Variants in PDE10A observed in about 807,000 individuals in gnomAD.
The protein encoded by PDE10A is phosphodiesterase 10A.
A neutral mutation model predicts 97.7 loss-of-function variants in PDE10A; 39 were observed. That is an observed-to-expected ratio of 0.40 (90% CI 0.31 to 0.52). PDE10A has a LOEUF of 0.52. PDE10A is among the 20% of genes least tolerant of loss of function. PDE10A has a pLI of 0.56. For missense variants in PDE10A, 731 were observed against 1,047.8 expected (o/e 0.70, Z 4.17); for synonymous variants, 371 against 376.8 (o/e 0.98, Z 0.18).
In PDE10A at chr6:165,772,725, A is replaced by C. The variant is rs577007257; in HGVS notation, c.-615+214804T>G. On this transcript the variant is annotated intron_variant, in intron 1 of 19. Coordinates refer to the PDE10A transcript ENST00000366882. ...AACAAATTTAGGGGCGGAAGTGAGG[A>C]AAGTTTATGCCCGTTGATTTGGGGG... 2.0e-5 allele frequency among the ~76,000 whole-genome samples: 3 copies of C among 152,286 alleles called. No homozygotes were observed. In the South Asian group the frequency reaches 6.2e-4, roughly 32 times the overall value.
intron 1 of PDE10A, among the ~76,000 whole-genome samples, chr6:165,902,495 C>A (rs1026080957): frequency 2.0e-5 from 3 of 152,182 alleles, no homozygotes; most frequent in Non-Finnish European, 2.9e-5. Context: ...CCTCTCTTTT[C>A]TCTTGCTTGA....
rs1337379415 is a variant in PDE10A at position 165,371,113 on chromosome 6, C to T, written c.2783+8081G>A. ...AGGGAAATTTATAGCACTAAATGCC[C>T]ACAAGAGAAAGCAGGAAAGATCCAA... On this transcript the variant is annotated intron_variant, in intron 18 of 21. Coordinates refer to ENST00000539869, the MANE Select transcript of PDE10A (RefSeq NM_001385079.1). 2.0e-3 allele frequency among the ~76,000 whole-genome samples: 293 copies of T among 150,204 alleles called. 2 individuals carry two copies. Among genetic ancestry groups the T allele is most frequent in the African/African-American group, 6.8e-3 (275 of 40,500 alleles).
At chr6:165,377,411 T>C (rs1784673297) in intron 18 of PDE10A, among the ~76,000 whole-genome samples, 1 of 152,182 alleles carries the variant, frequency 6.6e-6, no homozygotes, top group African/African-American at 2.4e-5. Context: ...AAAACAAACA[T>C]GCATTGCCTT....
intron 1 of PDE10A, among the ~76,000 whole-genome samples, chr6:165,922,942 A>C (rs1356650713): frequency 6.6e-6 from 1 of 152,184 alleles, no homozygotes; most frequent in African/African-American, 2.4e-5. Flanking sequence ...GCTAATCCCA[A>C]AGTCTACACA....
intron 1 of PDE10A, among the ~76,000 whole-genome samples, chr6:165,926,919 G>A (rs1782951148): frequency 6.6e-6 from 1 of 152,216 alleles, no homozygotes; most frequent in Non-Finnish European, 1.5e-5. Context: ...CTGTGTGGGA[G>A]AGGGGTTGAT....
intron 1 of PDE10A, among the ~76,000 whole-genome samples, chr6:165,682,990 T>C (rs576217462): frequency 6.6e-6 from 1 of 152,308 alleles, no homozygotes; most frequent in South Asian, 2.1e-4. Flanking sequence ...CATTGTGTCG[T>C]TCCCCCACCG....
intron 1 of PDE10A, among the ~76,000 whole-genome samples, chr6:165,769,744 T>A (rs543561790): frequency 7.9e-5 from 12 of 152,190 alleles, no homozygotes; most frequent in Non-Finnish European, 5.9e-5. Context: ...ACCAAAGTTA[T>A]TAGGCATTTT....
In PDE10A at chr6:165,332,923, C is replaced by T. The variant is rs1056632794; in HGVS notation, c.*102G>A. 1.6e-5 allele frequency: 12 copies of T among 730,886 alleles called. No individual in the cohort carries two copies. In the Admixed American group the frequency reaches 2.3e-4, roughly 14 times the overall value. 45.3% of individuals were successfully genotyped at this position (730,886 alleles called of 1,614,324 possible). ...CTTGAAGAGGTTTGCACCCCAGTTA[C>T]CAGGTGCAGGTTCCCCCCACCCCCC... On this transcript the variant is annotated 3_prime_UTR_variant, in exon 22 of 22. Coordinates refer to ENST00000539869, the MANE Select transcript of PDE10A (RefSeq NM_001385079.1).
At chr6:165,356,645 T>C (rs1783043911) in intron 18 of PDE10A, among the ~76,000 whole-genome samples, 1 of 152,172 alleles carries the variant, frequency 6.6e-6, no homozygotes. Context: ...TTAGAAATTT[T>C]ATAATTTTAA....
At chr6:165,450,217 A>G in intron 4 of PDE10A, 25 bp downstream of exon 4, 1 of 1,506,128 alleles carries the variant, frequency 6.6e-7, no homozygotes, top group South Asian at 1.4e-5. Flanking sequence ...CATTTTTTCT[A>G]ACAGGAACAC....
chr6:165,719,284 C>G (rs1429285165), intron 1 of PDE10A, among the ~76,000 whole-genome samples: 1 of 152,178 alleles, frequency 6.6e-6, no homozygotes, highest in Admixed American at 6.5e-5. Flanking sequence ...TGGAAGGAGA[C>G]TGGCCCAAGG....
At chr6:165,508,181 C>A (rs999759977) in intron 2 of PDE10A, among the ~76,000 whole-genome samples, 1 of 152,032 alleles carries the variant, frequency 6.6e-6, no homozygotes, top group Non-Finnish European at 1.5e-5. Context: ...AAAAAACACA[C>A]AAATCACCCC....
Position 165,891,347 on chromosome 6 carries a change from G to A in PDE10A, c.-615+96182C>T, listed in dbSNP as rs558862773. ...GCTCAGGTGCCACCAGGGCCCAGGCGTTCTTTGTCACTCAGCCCTGTTACC... is the reference window on the plus strand; with the variant it reads ...GCTCAGGTGCCACCAGGGCCCAGGCATTCTTTGTCACTCAGCCCTGTTACC... On this transcript the variant is annotated intron_variant, in intron 1 of 19. Coordinates refer to the PDE10A transcript ENST00000366882. Among the ~76,000 whole-genome samples, 60 of 152,234 alleles carry A rather than the reference G, an allele frequency of 3.9e-4. No homozygotes were observed. In the South Asian group the frequency reaches 8.3e-3, roughly 21 times the overall value.
chr6:165,839,844 ATCAT>A (rs1780177355), intron 1 of PDE10A, among the ~76,000 whole-genome samples: 4 of 59,342 alleles, frequency 6.7e-5, no homozygotes, highest in Admixed American at 1.7e-4. Context: ...CTCCATTCTT[ATCAT>A]CTCCATCCCT....
intron 1 of PDE10A, among the ~76,000 whole-genome samples, chr6:165,746,693 C>T (rs1299071267): frequency 2.0e-5 from 3 of 152,206 alleles, no homozygotes; most frequent in African/African-American, 7.2e-5. Context: ...ATGCCAAGGG[C>T]AGGCAAGTCA....
chr6:165,661,972 C>T lies in PDE10A; in HGVS notation c.840G>A (p.Arg280=). ...GPSNNASCFR[R]LTECFLSPSL... ...TGGGGCTCAGGAAGCACTCGGTCAG[C>T]CTTCGGAAGCAGCTCGCATTATTAG... Residue 280 remains arginine (R), a synonymous_variant, in exon 1 of 22, where the codon AGG becomes AGA. Coordinates refer to ENST00000539869, the MANE Select transcript of PDE10A (RefSeq NM_001385079.1). This position sits in a 1 kb window ranked among gnomAD's most constrained non-coding sequence, Gnocchi z 4.8. 1 of 1,220,572 alleles carries T rather than the reference C, an allele frequency of 8.2e-7. No individual in the cohort carries two copies. The highest frequency in any genetic ancestry group is 1.2e-6 in the Non-Finnish European group (1 of 850,874). 75.6% of individuals were successfully genotyped at this position (1,220,572 alleles called of 1,614,324 possible). A position where few individuals can be genotyped will look rare whatever the true frequency, so the allele number is the denominator to read the frequency against.
At chr6:165,566,014 T>C (rs1210932550) in intron 1 of PDE10A, among the ~76,000 whole-genome samples, 2 of 152,174 alleles carry the variant, frequency 1.3e-5, no homozygotes, top group Non-Finnish European at 2.9e-5. Flanking sequence ...TAGATGAACC[T>C]GGGCATGTCA....
At chr6:165,782,522 G>A (rs868134400) in intron 1 of PDE10A, among the ~76,000 whole-genome samples, 3 of 152,210 alleles carry the variant, frequency 2.0e-5, no homozygotes, top group South Asian at 2.1e-4. Context: ...CAGAGTTAGA[G>A]ATCAGTGTGG....
At chr6:165,495,403 G>A in intron 2 of PDE10A, among the ~76,000 whole-genome samples, 1 of 151,994 alleles carries the variant, frequency 6.6e-6, no homozygotes, top group East Asian at 1.9e-4. Context: ...GGAAAGAAAT[G>A]AGAAATTGAG....
Sources: allele counts gnomAD v4.1 joint callset (sites outside exome capture counted in the v4.1 genomes callset), GRCh38; gene constraint gnomAD v4.1.1; non-coding constraint Gnocchi (gnomAD v3.1); transcripts MANE v1.5; gene names NCBI Gene and HGNC (gene_info 2026-07-23, HGNC 2026-07-21).